BRI3: variants seen among roughly 807,000 people sequenced by gnomAD.
BRI3 encodes the protein brain protein I3.
BRI3 carries 6 observed loss-of-function variants against 12.8 expected under a neutral mutation model. The ratio of observed to expected loss-of-function variants is 0.47; its 90% CI spans 0.26 to 0.93. BRI3 has a LOEUF of 0.93. Ranked by LOEUF, BRI3 falls within the 40% of genes least tolerant of loss-of-function variation. The pLI is 0.15. For synonymous variants in BRI3, 91 were observed against 76.1 expected, an observed-to-expected ratio of 1.20 and a Z score of -1.02; for missense variants, 134 against 171.1, an observed-to-expected ratio of 0.78 and a Z score of 1.21.
chr7:98,287,561 G>A (rs777315073), intron 2 of BRI3, among the ~76,000 whole-genome samples: 7 of 152,214 alleles, frequency 4.6e-5, no homozygotes, highest in Non-Finnish European at 7.3e-5. Context: ...CTGGGCTGGC[G>A]CTGCTGGAAA....
intron 2 of BRI3, among the ~76,000 whole-genome samples, chr7:98,290,178 G>GTTTTTTTTTTTTTTTTTT (rs1200763476): frequency 1.1e-5 from 1 of 92,280 alleles, no homozygotes; most frequent in African/African-American, 3.5e-5. Context: ...GCCTCTCAAG[G>GTTTTTTTTTTTTTTTTTT]TTGTTTTTTT....
Position 98,291,166 on chromosome 7 carries a change from C to A in BRI3, c.301C>A (p.Leu101Ile). Residue 101 changes from leucine to isoleucine, a missense_variant, in exon 3 of 3, where the codon CTC becomes ATC. Transcript: ENST00000297290. Reference sequence around the variant, plus strand: ...CCTGGGCATCTTCCTGGCCATCATCCTCTTCCCCTTTGGGTTCATTTGCTG... The same window carrying A: ...CCTGGGCATCTTCCTGGCCATCATCATCTTCCCCTTTGGGTTCATTTGCTG... Reference protein sequence around the residue: ...TFLGIFLAIILFPFGFICCFA... With the variant: ...TFLGIFLAIIIFPFGFICCFA... 5 of 1,614,236 alleles carry A rather than the reference C, an allele frequency of 3.1e-6. No individual in the cohort carries two copies. The highest frequency in any genetic ancestry group is 3.4e-6 in the Non-Finnish European group (4 of 1,180,050).
At chr7:98,287,794 G>C (rs764335654) in intron 2 of BRI3, among the ~76,000 whole-genome samples, 10 of 152,236 alleles carry the variant, frequency 6.6e-5, no homozygotes, top group Non-Finnish European at 1.5e-4. Flanking sequence ...AGGCAGCACT[G>C]TGAAGCCCCA....
chr7:98,308,127 T>A (rs1224102450), exon 2 of BRI3: 2 of 655,570 alleles, frequency 3.1e-6, no homozygotes, highest in African/African-American at 1.8e-5. Flanking sequence ...CAGAAGAGGA[T>A]CCCTGCGGCT....
chr7:98,316,592 C>T, the BRI3 span, among the ~76,000 whole-genome samples: 1 of 152,152 alleles, frequency 6.6e-6, no homozygotes, highest in Non-Finnish European at 1.5e-5. Flanking sequence ...CCTTGGGTGG[C>T]CATCACCTCA....
chr7:98,315,051 T>C (rs937524550), downstream of BRI3, among the ~76,000 whole-genome samples: 2 of 152,228 alleles, frequency 1.3e-5, no homozygotes, highest in Admixed American at 6.5e-5. Context: ...AATCTTTTCA[T>C]TGGCAAAATG....
chr7:98,294,004 G>A (rs1800077745), downstream of BRI3: 1 of 1,538,908 alleles, frequency 6.5e-7, no homozygotes, highest in Non-Finnish European at 9.0e-7. Flanking sequence ...GGCACCGAAG[G>A]CCCTTCCGGG....
At chr7:98,283,428 G>A (rs969047805) in intron 2 of BRI3, among the ~76,000 whole-genome samples, 1 of 152,116 alleles carries the variant, frequency 6.6e-6, no homozygotes, top group African/African-American at 2.4e-5. Flanking sequence ...GGGGCAGGTT[G>A]TGGCTGCTTG....
chr7:98,284,168 A>G (rs572223798), intron 2 of BRI3, among the ~76,000 whole-genome samples: 4 of 152,274 alleles, frequency 2.6e-5, no homozygotes, highest in African/African-American at 9.6e-5. Context: ...TGCACCAGGC[A>G]GGGTGGAGGC....
downstream of BRI3, among the ~76,000 whole-genome samples, chr7:98,297,406 C>A (rs889623491): frequency 4.6e-5 from 7 of 152,164 alleles, no homozygotes; most frequent in Admixed American, 2.0e-4. Flanking sequence ...TTCCCTTGGG[C>A]TGCAGCAGAG....
At chr7:98,299,977 G>A (rs1210222879) in intron 1 of BRI3, among the ~76,000 whole-genome samples, 1 of 152,176 alleles carries the variant, frequency 6.6e-6, no homozygotes, top group East Asian at 1.9e-4. Context: ...GGAAGTGGAG[G>A]TTGCTGTGAA....
chr7:98,313,982 CTTT>C (rs35599338), downstream of BRI3, among the ~76,000 whole-genome samples: 5 of 100,970 alleles, frequency 5.0e-5, no homozygotes, highest in Admixed American at 1.3e-4. Context: ...CTTTTTCTTC[CTTT>C]TTTTTTTTTT....
At chr7:98,284,874 T>C (rs1314136743) in intron 2 of BRI3, among the ~76,000 whole-genome samples, 2 of 152,036 alleles carry the variant, frequency 1.3e-5, no homozygotes, top group African/African-American at 4.8e-5. Context: ...CTGCCCTGCC[T>C]TGCCCTGCCC....
In BRI3 at chr7:98,298,944, C is replaced by T. The variant is rs111865946; in HGVS notation, c.72-7539C>T. Among the ~76,000 whole-genome samples, 6 of 152,068 alleles carry T rather than the reference C, an allele frequency of 3.9e-5. 1 individual carries two copies. Among genetic ancestry groups the T allele is most frequent in the Admixed American group, 6.5e-5 (1 of 15,280 alleles). On this transcript the variant is annotated intron_variant and NMD_transcript_variant, in intron 1 of 2. Transcript: ENST00000491463. ...GCAGCCTCGACCTCCTGGGCTCAAT[C>T]GATCCTCTCACCTCAGGCTCCTGAG...
rs11275179 is a variant in BRI3, at chr7:98,288,788, A to AGGTTGGAGGGG, written c.246-2321_246-2320insTTGGAGGGGGG. Among the ~76,000 whole-genome samples, 903 of 150,662 alleles carry AGGTTGGAGGGG rather than the reference A, an allele frequency of 6.0e-3. 18 individuals carry two copies. The highest frequency in any genetic ancestry group is 0.02 in the African/African-American group (842 of 41,084). ...TGGCTAATTTTAAATTTTTGTAGGG[A>AGGTTGGAGGGG]GGGGTCTTTGTTGCCCAGGCTGGTT... is the stretch of plus-strand genomic sequence containing the variant. On this transcript the variant is annotated intron_variant, in intron 2 of 2. Transcript: ENST00000297290.
Position 98,282,387 on chromosome 7 carries a change from A to G in BRI3, c.179A>G (p.His60Arg), listed in dbSNP as rs1799553668. Reference protein sequence around the residue: ...PTHHPRVYNIHSRTVTRYPAN... With the variant: ...PTHHPRVYNIRSRTVTRYPAN... ...CACCATCCCAGGGTCTACAACATCCACAGCCGGACCGTCACCCGCTATCCT... is the reference window on the plus strand; with the variant it reads ...CACCATCCCAGGGTCTACAACATCCGCAGCCGGACCGTCACCCGCTATCCT... Residue 60 changes from histidine (H) to arginine (R), a missense_variant, in exon 2 of 3, where the codon CAC becomes CGC. His to Arg is a conservative substitution (Grantham distance 29). Transcript: ENST00000297290. 2 of 1,613,912 alleles carry G rather than the reference A, an allele frequency of 1.2e-6. No homozygotes were observed. The highest frequency in any genetic ancestry group is 1.3e-5 in the African/African-American group (1 of 74,912).
At chr7:98,306,674 G>A in intron 1 of BRI3, 1 of 1,066,830 alleles carries the variant, frequency 9.4e-7, no homozygotes. Flanking sequence ...AGGTAAATAT[G>A]GACTTTCACA....
chr7:98,311,565 A>C (rs188331201), downstream of BRI3, among the ~76,000 whole-genome samples: 836 of 151,834 alleles, frequency 5.5e-3, 9 homozygotes, highest in African/African-American at 0.019. Context: ...TAAAAAAAAA[A>C]CAGTAAGGAT....
chr7:98,282,059 G>T (rs1252820019), intron 1 of BRI3, 122 bp downstream of exon 1: 1 of 1,287,856 alleles, frequency 7.8e-7, no homozygotes, highest in African/African-American at 1.6e-5. Flanking sequence ...GAGGTCCCCG[G>T]GCTGGCTTCG....
Sources: allele counts gnomAD v4.1 joint callset (sites outside exome capture counted in the v4.1 genomes callset), GRCh38; gene constraint gnomAD v4.1.1; transcripts MANE v1.5; gene names NCBI Gene and HGNC (gene_info 2026-07-23, HGNC 2026-07-21).